BBS12: variants seen among roughly 807,000 people sequenced by gnomAD.
BBS12 encodes Bardet-Biedl syndrome 12, also known as chaperonin-containing T-complex member BBS12.
In BBS12, 5 loss-of-function variants were observed where a neutral mutation model predicts 5.6. The observed-to-expected ratio is 0.89, with a 90% CI of 0.46 to 1.86. The LOEUF is 1.86. BBS12 is among the 40% of genes most tolerant of loss of function. BBS12 has a pLI of 0.01. For missense variants in BBS12, 748 were observed against 830.4 expected, an observed-to-expected ratio of 0.90 and a Z score of 1.22; for synonymous variants, 308 against 306.8, an observed-to-expected ratio of 1.00 and a Z score of -0.04.
chr4:122,716,584 TAC>T, the BBS12 span, among the ~76,000 whole-genome samples: 1 of 148,608 alleles, frequency 6.7e-6, no homozygotes, highest in Non-Finnish European at 1.5e-5. Flanking sequence ...TATGTATATA[TAC>T]ACATATGTAT....
chr4:122,728,994 G>A (rs1202253726), upstream of BBS12: 2 of 152,228 alleles, frequency 1.3e-5, no homozygotes, highest in Non-Finnish European at 2.9e-5. Context: ...GAAACACTGG[G>A]TGGAACACAC....
chr4:122,709,660 C>A, the BBS12 span, among the ~76,000 whole-genome samples: 1 of 151,714 alleles, frequency 6.6e-6, no homozygotes, highest in African/African-American at 2.4e-5. Flanking sequence ...TCTTTCTTTT[C>A]TTTTCTTTTT....
At chr4:122,739,803 A>G (rs1800838986) in intron 1 of BBS12, among the ~76,000 whole-genome samples, 1 of 152,252 alleles carries the variant, frequency 6.6e-6, no homozygotes, top group African/African-American at 2.4e-5. Context: ...TCTCTCCCCT[A>G]CATGTTTAGC....
chr4:122,725,192 A>C, the BBS12 span, among the ~76,000 whole-genome samples: 1 of 152,344 alleles, frequency 6.6e-6, no homozygotes, highest in East Asian at 1.9e-4. Context: ...TACTGCCAAA[A>C]GCAATCTACA....
the BBS12 span, among the ~76,000 whole-genome samples, chr4:122,709,270 T>C: frequency 6.6e-6 from 1 of 152,172 alleles, no homozygotes; most frequent in Non-Finnish European, 1.5e-5. Flanking sequence ...GGTCCATTTA[T>C]GTAGGAAATT....
upstream of BBS12, among the ~76,000 whole-genome samples, chr4:122,728,058 T>C (rs1248941817): frequency 6.6e-6 from 1 of 152,154 alleles, no homozygotes; most frequent in African/African-American, 2.4e-5. Context: ...TCATATAGTA[T>C]TTTTGGAAAT....
At chr4:122,704,900 A>T in the BBS12 span, among the ~76,000 whole-genome samples, 1 of 152,092 alleles carries the variant, frequency 6.6e-6, no homozygotes, top group African/African-American at 2.4e-5. Flanking sequence ...ATTTCAGTGA[A>T]CCTTGCAATT....
rs1374978369 is a variant in BBS12, at chr4:122,743,703, A to G, written c.1811A>G (p.Tyr604Cys). 8.1e-6 allele frequency: 13 copies of G among 1,614,084 alleles called. No individual in the cohort carries two copies. The highest frequency in any genetic ancestry group is 2.7e-5 in the African/African-American group (2 of 74,936). The change falls in exon 2 of 2, where the codon TAT becomes TGT. Residue 604 changes from tyrosine to cysteine, a missense_variant. Transcript: ENST00000314218. The part of the protein sequence containing the change: ...GWQKYLSTLL[Y>C]NTANYSSEFE... Reference sequence around the variant, plus strand: ...CAGAAATACCTTTCAACTCTCCTATATAACACTGCCAATTACTCATCAGAA... The same window carrying G: ...CAGAAATACCTTTCAACTCTCCTATGTAACACTGCCAATTACTCATCAGAA...
rs530146398 is a variant in BBS12 at position 122,744,408 on chromosome 4, A to G, written c.*383A>G. On this transcript the variant is annotated 3_prime_UTR_variant, in exon 2 of 2. Transcript: ENST00000314218. The stretch of plus-strand genomic sequence containing the variant: ...GTGGGTTATGTTGTAAGCTTGGGTT[A>G]TTAACTGCTTTTATAGTAAGCAAAA... 1.1e-4 allele frequency: 22 copies of G among 202,004 alleles called. No homozygotes were observed. Among genetic ancestry groups the G allele is most frequent in the African/African-American group, 1.9e-4 (8 of 42,012 alleles). The allele number at this position is 202,004 out of a possible 1,614,324, so 12.5% of individuals were successfully genotyped here.
chr4:122,721,357 G>T, the BBS12 span, among the ~76,000 whole-genome samples: 1 of 152,206 alleles, frequency 6.6e-6, no homozygotes, highest in Non-Finnish European at 1.5e-5. Context: ...AGATGAGGGA[G>T]ATAAACAGAG....
At chr4:122,700,692 T>C in the BBS12 span, among the ~76,000 whole-genome samples, 1 of 152,190 alleles carries the variant, frequency 6.6e-6, no homozygotes, top group African/African-American at 2.4e-5. Flanking sequence ...CAAATTGGTG[T>C]TGGAGCTGGT....
the BBS12 span, among the ~76,000 whole-genome samples, chr4:122,711,068 T>C: frequency 6.6e-6 from 1 of 152,362 alleles, no homozygotes; most frequent in East Asian, 1.9e-4. Context: ...AAATCCCTTT[T>C]GATTCATAAA....
chr4:122,720,202 G>A, the BBS12 span, among the ~76,000 whole-genome samples: 1 of 152,220 alleles, frequency 6.6e-6, no homozygotes, highest in African/African-American at 2.4e-5. Context: ...TGAAATCCCA[G>A]CACTTTGGGA....
chr4:122,725,717 T>A, the BBS12 span, among the ~76,000 whole-genome samples: 1 of 151,850 alleles, frequency 6.6e-6, no homozygotes, highest in Admixed American at 6.6e-5. Flanking sequence ...GCCAACATGG[T>A]GAAACCCCGT....
chr4:122,715,031 ATAAAT>A, the BBS12 span, among the ~76,000 whole-genome samples: 1 of 151,984 alleles, frequency 6.6e-6, no homozygotes, highest in East Asian at 1.9e-4. Flanking sequence ...TTCATGAAAA[ATAAAT>A]AAAGACTTGA....
rs34652786 is a variant in BBS12, at chr4:122,743,149, C to T, written c.1257C>T (p.Ser419=). The change falls in exon 2 of 2, where the codon TCC becomes TCT. Residue 419 remains serine, a synonymous_variant. Coordinates refer to ENST00000314218, the MANE Select transcript of BBS12 (RefSeq NM_152618.3). ...VNLVLVQGNV[S]ERLIEKCINS... ...TTGTCCTGGTACAAGGAAATGTGTC[C>T]GAACGCTTAATTGAAAAATGTATAA... 1.8e-4 allele frequency: 289 copies of T among 1,614,056 alleles called. No homozygotes were observed. Among genetic ancestry groups the T allele is most frequent in the Admixed American group, 1.0e-4 (6 of 59,998 alleles).
chr4:122,706,977 C>T, the BBS12 span, among the ~76,000 whole-genome samples: 1 of 150,880 alleles, frequency 6.6e-6, no homozygotes, highest in South Asian at 2.1e-4. Context: ...TGAGGTTGTT[C>T]AGTAACATCA....
the BBS12 span, among the ~76,000 whole-genome samples, chr4:122,715,522 C>G: frequency 6.6e-6 from 1 of 152,024 alleles, no homozygotes; most frequent in African/African-American, 2.4e-5. Flanking sequence ...AGGAAGAGTG[C>G]GTTTTCATTT....
Position 122,743,553 on chromosome 4 carries a change from C to G in BBS12, c.1661C>G (p.Ala554Gly), listed in dbSNP as rs1226613196. 4 of 1,614,038 alleles carry G rather than the reference C, an allele frequency of 2.5e-6. No homozygotes were observed. Among genetic ancestry groups the G allele is most frequent in the African/African-American group, 2.7e-5 (2 of 74,902 alleles). Residue 554 changes from alanine to glycine, a missense_variant, in exon 2 of 2, where the codon GCA (alanine) becomes GGA (glycine). Coordinates refer to ENST00000314218, the MANE Select transcript of BBS12 (RefSeq NM_152618.3). Reference sequence around the variant, plus strand: ...TGTCTTAGCTGTCTTCATATTCTTGCAGAGCAATCTCTGAAAAAAGAAAAC... The same window carrying G: ...TGTCTTAGCTGTCTTCATATTCTTGGAGAGCAATCTCTGAAAAAAGAAAAC... Reference protein sequence around the residue: ...FLCLSCLHILAEQSLKKENHA... With the variant: ...FLCLSCLHILGEQSLKKENHA...
Sources: gnomAD v4.1 joint callset for allele counts (sites outside exome capture counted in the v4.1 genomes callset) on GRCh38, gnomAD v4.1.1 for gene constraint, MANE v1.5 for transcripts, NCBI Gene and HGNC (gene_info 2026-07-23, HGNC 2026-07-21) for gene names.